The following TBCK variants were observed in gnomAD, a reference collection of about 807,000 sequenced individuals.
TBCK encodes TBC domain-containing protein kinase-like protein.
In TBCK, 99 loss-of-function variants were observed where a neutral mutation model predicts 113.4. That is an observed-to-expected ratio of 0.87 (90% confidence interval 0.74 to 1.03). The LOEUF (loss-of-function observed/expected upper bound fraction) is 1.03, where lower values mean the gene tolerates loss of function less well. Among genes scored for constraint, TBCK ranks in the 50% least tolerant of loss-of-function variants. The pLI, the probability that TBCK is intolerant of heterozygous loss-of-function variation, is 0.00. For missense variants in TBCK, 1,045 were observed against 1,061.3 expected, an observed-to-expected ratio of 0.98 and a Z score of 0.21; for synonymous variants, 369 against 370.8, an observed-to-expected ratio of 1.00 and a Z score of 0.05.
rs1433207630 is a variant in TBCK, at chr4:106,042,275, A to G, written c.*4295T>C. Reference sequence around the variant, plus strand: ...TACTAGTTACAACTGATAGAATGAAATATCTGCCAACCCTTTCTATATAGT... The same window carrying G: ...TACTAGTTACAACTGATAGAATGAAGTATCTGCCAACCCTTTCTATATAGT... On this transcript the variant is annotated 3_prime_UTR_variant, in exon 26 of 26. Coordinates refer to ENST00000394708, the MANE Select transcript of TBCK (RefSeq NM_001163435.3). 2.6e-5 allele frequency: 4 copies of G among 152,214 alleles called. No homozygotes were observed. Among genetic ancestry groups the G allele is most frequent in the Non-Finnish European group, 4.4e-5 (3 of 68,034 alleles). 9.4% of individuals were successfully genotyped at this position (152,214 alleles called of 1,614,324 possible).
intron 12 of TBCK, among the ~76,000 whole-genome samples, chr4:106,240,942 A>G (rs1218026082): frequency 6.6e-6 from 1 of 152,060 alleles, no homozygotes; most frequent in Non-Finnish European, 1.5e-5. Flanking sequence ...TGGGCCATGC[A>G]GTCTCTATCG....
Position 106,042,285 on chromosome 4 carries a change from A to G in TBCK, c.*4285T>C, listed in dbSNP as rs967707227. ...AACTGATAGAATGAAATATCTGCCAACCCTTTCTATATAGTCAAGGCAGCA... is the reference window on the plus strand; with the variant it reads ...AACTGATAGAATGAAATATCTGCCAGCCCTTTCTATATAGTCAAGGCAGCA... On this transcript the variant is annotated 3_prime_UTR_variant, in exon 26 of 26. Transcript: ENST00000394708. The G allele has an allele frequency of 5.9e-5, 9 of 152,158 alleles. No homozygotes were observed. Among genetic ancestry groups the G allele is most frequent in the African/African-American group, 2.2e-4 (9 of 41,446 alleles). 9.4% of individuals were successfully genotyped at this position (152,158 alleles called of 1,614,324 possible). A position where few individuals can be genotyped will look rare whatever the true frequency, so the allele number is the denominator to read the frequency against.
At chr4:106,119,258 T>C (rs1396497904) in intron 23 of TBCK, among the ~76,000 whole-genome samples, 6 of 152,150 alleles carry the variant, frequency 3.9e-5, no homozygotes, top group Admixed American at 3.3e-4. Context: ...AGGATAATTA[T>C]AAAACAACAC....
chr4:106,211,525 A>G (rs2149885248), intron 20 of TBCK, among the ~76,000 whole-genome samples: 1 of 152,256 alleles, frequency 6.6e-6, no homozygotes, highest in African/African-American at 2.4e-5. Flanking sequence ...TTTTAGTTGT[A>G]TACACACATA....
chr4:106,148,799 A>G lies in TBCK; in HGVS notation c.2235+22296T>C, dbSNP rs143719581. On this transcript the variant is annotated intron_variant, in intron 23 of 25. Coordinates refer to ENST00000394708, the MANE Select transcript of TBCK (RefSeq NM_001163435.3). ...TAGCTTCAACTGAAAGTCACCATCT[A>G]TATCAGCCCCTAACAGGAGAGTCAG... 2.4e-4 allele frequency among the ~76,000 whole-genome samples: 37 copies of G among 152,292 alleles called. No individual in the cohort carries two copies. The East Asian group carries it at 6.4e-3, about 26-fold the overall frequency.
At position 106,251,053 on chromosome 4, in the gene TBCK, T is replaced by G. The variant is rs779834319; in HGVS notation, c.598-575A>C. The G allele has an allele frequency of 4.6e-5, 10 of 215,968 alleles. No homozygotes were observed. In the South Asian group the frequency reaches 5.6e-4, roughly 12 times the overall value. 13.4% of individuals were successfully genotyped at this position (215,968 alleles called of 1,614,324 possible). On this transcript the variant is annotated intron_variant, in intron 6 of 25. Coordinates refer to ENST00000394708, the MANE Select transcript of TBCK (RefSeq NM_001163435.3). Reference sequence around the variant, plus strand: ...GTCTGCCTCAGGAGGCTCCTTAGTATAAGGTCTGGAGTCAAACACTTATAC... The same window carrying G: ...GTCTGCCTCAGGAGGCTCCTTAGTAGAAGGTCTGGAGTCAAACACTTATAC...
At chr4:106,064,703 T>A (rs1295559169) in intron 25 of TBCK, among the ~76,000 whole-genome samples, 1 of 152,012 alleles carries the variant, frequency 6.6e-6, no homozygotes, top group Non-Finnish European at 1.5e-5. Context: ...TTTAGTCTTA[T>A]GAGTTTCAGA....
chr4:106,126,128 G>C (rs1192478519), intron 23 of TBCK, among the ~76,000 whole-genome samples: 2 of 152,174 alleles, frequency 1.3e-5, no homozygotes, highest in Non-Finnish European at 2.9e-5. Flanking sequence ...CACAACCTGT[G>C]CATTTAATAA....
At chr4:106,122,853 T>C (rs1470524144) in intron 23 of TBCK, among the ~76,000 whole-genome samples, 3 of 152,050 alleles carry the variant, frequency 2.0e-5, no homozygotes, top group Non-Finnish European at 2.9e-5. Flanking sequence ...TCTCAATAAA[T>C]GAGGTATTGA....
chr4:106,233,746 A>G, intron 15 of TBCK, 96 bp from the exon 16 acceptor site: 1 of 952,532 alleles, frequency 1.0e-6, no homozygotes, highest in South Asian at 1.6e-5. Flanking sequence ...TATCTTTGGA[A>G]ACCTACCCAA....
chr4:106,152,201 A>G (rs1748576123), intron 23 of TBCK, among the ~76,000 whole-genome samples: 1 of 152,024 alleles, frequency 6.6e-6, no homozygotes, highest in South Asian at 2.1e-4. Flanking sequence ...CCCATTCAAC[A>G]TCATGCTCAT....
chr4:106,173,062 C>G (rs371127673), intron 22 of TBCK, among the ~76,000 whole-genome samples: 3 of 152,068 alleles, frequency 2.0e-5, no homozygotes, highest in African/African-American at 7.2e-5. Context: ...TGATGTTTAC[C>G]AACTTCACAG....
chr4:106,211,829 C>T lies in TBCK; in HGVS notation c.1860+921G>A, dbSNP rs752729159. Among the ~76,000 whole-genome samples, 7 of 152,066 alleles carry T rather than the reference C, an allele frequency of 4.6e-5. No homozygotes were observed. In the South Asian group the frequency reaches 1.5e-3, roughly 32 times the overall value. On this transcript the variant is annotated intron_variant, in intron 20 of 25. Transcript: ENST00000394708. ...CTTTTCCTATGTATATACACATATACACTAAATTCTATTTTATGAAAATGA... is the reference window on the plus strand; with the variant it reads ...CTTTTCCTATGTATATACACATATATACTAAATTCTATTTTATGAAAATGA...
intron 20 of TBCK, among the ~76,000 whole-genome samples, chr4:106,202,172 G>T (rs914001448): frequency 1.3e-5 from 1 of 74,862 alleles, no homozygotes; most frequent in Admixed American, 1.4e-4. Flanking sequence ...TATAACAAAA[G>T]ATACACACTT....
At chr4:106,316,421 A>T, upstream of TBCK, 1 of 907,392 alleles carries the variant, frequency 1.1e-6, no homozygotes, top group Non-Finnish European at 1.7e-6. Flanking sequence ...ATGGCAGGTT[A>T]ATGGGACTGA....
intron 22 of TBCK, among the ~76,000 whole-genome samples, chr4:106,174,078 T>C (rs1035643085): frequency 1.3e-5 from 2 of 152,098 alleles, no homozygotes; most frequent in Non-Finnish European, 2.9e-5. Flanking sequence ...TGGGCAAGGA[T>C]AGATGGAAAA....
intron 19 of TBCK, among the ~76,000 whole-genome samples, chr4:106,218,007 G>T (rs1757178292): frequency 2.1e-5 from 3 of 144,268 alleles, no homozygotes. Context: ...CATGGTACTG[G>T]TACCAAAACA....
chr4:106,287,179 T>C (rs1241802482), intron 3 of TBCK, among the ~76,000 whole-genome samples: 2 of 152,158 alleles, frequency 1.3e-5, no homozygotes, highest in Non-Finnish European at 2.9e-5. Context: ...GCAATTCTGA[T>C]CATAGCTATG....
At chr4:106,288,295 G>A (rs925547171) in intron 3 of TBCK, among the ~76,000 whole-genome samples, 2 of 152,058 alleles carry the variant, frequency 1.3e-5, no homozygotes, top group Non-Finnish European at 2.9e-5. Flanking sequence ...TCAGGAGGCT[G>A]AGACAGGAGA....
Sources: allele counts gnomAD v4.1 joint callset (sites outside exome capture counted in the v4.1 genomes callset), GRCh38; gene constraint gnomAD v4.1.1; transcripts MANE v1.5; gene names NCBI Gene and HGNC (gene_info 2026-07-23, HGNC 2026-07-21).